Variants in TRIM39 observed in about 807,000 individuals in gnomAD.
The protein encoded by TRIM39 is tripartite motif containing 39, also known as E3 ubiquitin-protein ligase TRIM39.
In TRIM39, 5 loss-of-function variants were observed where a neutral mutation model predicts 53.6. The ratio of observed to expected loss-of-function variants is 0.09; its 90% CI spans 0.05 to 0.20. The LOEUF (loss-of-function observed/expected upper bound fraction) is 0.20. Among genes scored for constraint, TRIM39 ranks in the 10% least tolerant of loss-of-function variants. The pLI is 1.00. For missense variants in TRIM39, 310 were observed against 621.0 expected, an observed-to-expected ratio of 0.50 and a Z score of 5.32; for synonymous variants, 196 against 237.6, an observed-to-expected ratio of 0.82 and a Z score of 1.61.
chr6:30,334,299 C>T (rs995276719), intron 4 of TRIM39, among the ~76,000 whole-genome samples: 17 of 87,898 alleles, frequency 1.9e-4, no homozygotes, highest in Non-Finnish European at 3.2e-4. Flanking sequence ...TCACATGATG[C>T]TTGGGGAATT....
intron 5 of TRIM39, 150 bp downstream of exon 5, chr6:30,336,125 C>T (rs564934970): frequency 1.4e-5 from 17 of 1,230,670 alleles, no homozygotes; most frequent in African/African-American, 4.5e-5. Context: ...GTCTTTGCTA[C>T]GGAAAAGTGA....
At chr6:30,333,537 A>G (rs1357017084) in intron 4 of TRIM39, among the ~76,000 whole-genome samples, 2 of 149,502 alleles carry the variant, frequency 1.3e-5, no homozygotes, top group East Asian at 3.9e-4. Flanking sequence ...TTTTTTTTCT[A>G]TTTTTAGTAG....
exon 7 of TRIM39, chr6:30,340,524 A>G (rs1393205277): frequency 6.2e-7 from 1 of 1,613,070 alleles, no homozygotes; most frequent in Non-Finnish European, 8.5e-7. Context: ...GGTGAAGACC[A>G]TGGAGGTGAC....
In TRIM39 at chr6:30,335,700, T is replaced by C. The variant is rs369381009; in HGVS notation, c.550-45T>C. 63 of 1,594,372 alleles carry C rather than the reference T, an allele frequency of 4.0e-5. No homozygotes were observed. The African/African-American group carries it at 8.4e-4, about 21-fold the overall frequency. On this transcript the variant is annotated intron_variant, in intron 4 of 7. Coordinates refer to ENST00000396551, the Ensembl canonical transcript of TRIM39. This position sits in a 1 kb window ranked among gnomAD's most constrained non-coding sequence, Gnocchi z 4.7. ...GGTGGGTGAGAGAAAGGCTTCCTTATACCACACTGACCCTGCTGATACAAC... is the reference window on the plus strand; with the variant it reads ...GGTGGGTGAGAGAAAGGCTTCCTTACACCACACTGACCCTGCTGATACAAC...
intron 7 of TRIM39, among the ~76,000 whole-genome samples, chr6:30,341,095 C>A (rs1276576883): frequency 1.3e-5 from 2 of 151,906 alleles, no homozygotes; most frequent in African/African-American, 4.8e-5. Flanking sequence ...GTAATCCCAG[C>A]TCCTCTGGAG....
At chr6:30,340,534 C>T in exon 7 of TRIM39, 1 of 1,613,060 alleles carries the variant, frequency 6.2e-7, no homozygotes, top group Non-Finnish European at 8.5e-7. Flanking sequence ...ATGGAGGTGA[C>T]TTCAGTATCC....
At position 30,339,974 on chromosome 6, in the gene TRIM39, TAGAG is replaced by T. The variant is rs768567364; in HGVS notation, c.803+47_803+50del. 7 of 1,613,920 alleles carry T rather than the reference TAGAG, an allele frequency of 4.3e-6. No homozygotes were observed. Among genetic ancestry groups the T allele is most frequent in the Non-Finnish European group, 5.9e-6 (7 of 1,179,932 alleles). ...TCTCTGAGTGAGTTAGGTCTTGGCTTAGAGAGGAGGGGTACAGTCAGGAGTTTGG... is the reference window on the plus strand; with the variant it reads ...TCTCTGAGTGAGTTAGGTCTTGGCTTAGGAGGGGTACAGTCAGGAGTTTGG... On this transcript the variant is annotated intron_variant, in intron 6 of 7. Transcript: ENST00000396551. This position sits in a 1 kb window ranked among gnomAD's most constrained non-coding sequence, Gnocchi z 4.2.
In TRIM39 at chr6:30,335,624, T is replaced by G; in HGVS notation, c.550-121T>G. 7.5e-7 allele frequency: 1 copy of G among 1,337,180 alleles called. No homozygotes were observed. The highest frequency in any genetic ancestry group is 1.0e-6 in the Non-Finnish European group (1 of 996,796). The allele number at this position is 1,337,180 out of a possible 1,614,324, so 82.8% of individuals were successfully genotyped here. A position where few individuals can be genotyped will look rare whatever the true frequency, so the allele number is the denominator to read the frequency against. On this transcript the variant is annotated intron_variant, in intron 4 of 7. Coordinates refer to ENST00000396551, the Ensembl canonical transcript of TRIM39. The surrounding 1 kb of genome is among the most constrained non-coding windows in gnomAD (Gnocchi z 4.7). ...AGTCATGTGTCACCACACCCAGCCT[T>G]TGTTAAACCATTTTCAATGAAACTG...
intron 7 of TRIM39, 41 bp from the exon 8 acceptor site, chr6:30,341,671 C>A: frequency 6.3e-7 from 1 of 1,575,824 alleles, no homozygotes; most frequent in Non-Finnish European, 8.6e-7. Flanking sequence ...TTTAGCTATT[C>A]CCATCCTCAT....
At chr6:30,330,735 A>G (rs751381127) in intron 3 of TRIM39, 46 bp from the exon 4 acceptor site, 14 of 1,598,624 alleles carry the variant, frequency 8.8e-6, no homozygotes, top group Non-Finnish European at 1.2e-5. Context: ...TAGGTATACC[A>G]GTCAACCCCA....
chr6:30,341,728 C>T lies in TRIM39; in HGVS notation c.936C>T (p.Asp312=), dbSNP rs1399895131. 3.1e-6 allele frequency: 5 copies of T among 1,612,270 alleles called. No individual in the cohort carries two copies. The African/African-American group carries it at 5.3e-5, about 17-fold the overall frequency. ...TCCCGCCAGCGGATGTGACCCTGGA[C>T]CCTGAGACAGCTCATCCTAACCTAG... Residue 312 remains aspartate (D), a synonymous_variant, in exon 8 of 8, where the codon GAC becomes GAT. Transcript: ENST00000396551.
chr6:30,329,255 A>AG, intron 2 of TRIM39, 56 bp from the exon 3 acceptor site: 1 of 1,517,254 alleles, frequency 6.6e-7, no homozygotes, highest in Non-Finnish European at 8.8e-7. Context: ...AAAAAAAAAA[A>AG]GAAAAAACCT....
At position 30,339,901 on chromosome 6, in the gene TRIM39, C is replaced by T; in HGVS notation, c.781-7C>T. ...CCAATATTGCTTTCTTTTCTCCTTC[C>T]TTCTAGGATGTCAAAAGTACCCTGG... On this transcript the variant is annotated splice_region_variant and splice_polypyrimidine_tract_variant and intron_variant, in intron 5 of 7. Coordinates refer to ENST00000396551, the Ensembl canonical transcript of TRIM39. The surrounding 1 kb of genome is among the most constrained non-coding windows in gnomAD (Gnocchi z 4.2). 6.2e-7 allele frequency: 1 copy of T among 1,614,074 alleles called. No homozygotes were observed. The highest frequency in any genetic ancestry group is 8.5e-7 in the Non-Finnish European group (1 of 1,180,012).
intron 4 of TRIM39, among the ~76,000 whole-genome samples, chr6:30,333,972 A>G (rs917592438): frequency 6.6e-6 from 1 of 152,202 alleles, no homozygotes; most frequent in Non-Finnish European, 1.5e-5. Flanking sequence ...TACCTAAACA[A>G]ACACACATGC....
exon 3 of TRIM39, chr6:30,329,533 A>C: frequency 6.2e-7 from 1 of 1,613,130 alleles, no homozygotes; most frequent in Non-Finnish European, 8.5e-7. Context: ...GTCGAAAGAC[A>C]TCCCGCTACC....
exon 1 of TRIM39, chr6:30,326,605 C>T (rs1348107448): frequency 6.6e-6 from 1 of 152,474 alleles, no homozygotes; most frequent in Non-Finnish European, 1.5e-5. Flanking sequence ...TAGACAGCCT[C>T]GCCGGCCGGG....
At chr6:30,330,866 G>A in exon 4 of TRIM39, 1 of 1,614,080 alleles carries the variant, frequency 6.2e-7, no homozygotes, top group Non-Finnish European at 8.5e-7. Flanking sequence ...AAGAAGCCTG[G>A]TGAGCTCAAG....
rs529528744 is a variant in TRIM39 at position 30,335,584 on chromosome 6, A to G, written c.550-161A>G. Among the ~76,000 whole-genome samples the G allele has an allele frequency of 1.3e-5, 2 of 152,140 alleles. No homozygotes were observed. Among genetic ancestry groups the G allele is most frequent in the African/African-American group, 4.8e-5 (2 of 41,436 alleles). On this transcript the variant is annotated intron_variant, in intron 4 of 7. Coordinates refer to ENST00000396551, the Ensembl canonical transcript of TRIM39. This position sits in a 1 kb window ranked among gnomAD's most constrained non-coding sequence, Gnocchi z 4.7. ...GCAATCCACCTCCCTCGGCCTCCCAAAGTCCTGGGATTACAGTCATGTGTC... is the reference window on the plus strand; with the variant it reads ...GCAATCCACCTCCCTCGGCCTCCCAGAGTCCTGGGATTACAGTCATGTGTC...
chr6:30,326,498 A>C (rs1307057100), exon 1 of TRIM39: 1 of 152,418 alleles, frequency 6.6e-6, no homozygotes, highest in Non-Finnish European at 1.5e-5. Flanking sequence ...AAAAGTGTGG[A>C]AGTCCACAAG....
Sources: gnomAD v4.1 joint callset for allele counts (sites outside exome capture counted in the v4.1 genomes callset) on GRCh38, gnomAD v4.1.1 for gene constraint, Gnocchi (gnomAD v3.1) non-coding constraint, MANE v1.5 for transcripts, NCBI Gene and HGNC (gene_info 2026-07-23, HGNC 2026-07-21) for gene names.